Variants in CAST observed in about 807,000 individuals in gnomAD.
CAST encodes the protein MIR583 host.
In CAST, 76 loss-of-function variants were observed where a neutral mutation model predicts 119.6. The observed-to-expected ratio is 0.64, with a 90% CI of 0.53 to 0.77. CAST has a LOEUF of 0.77. Ranked by LOEUF, CAST falls within the 30% of genes least tolerant of loss-of-function variation. The pLI, the probability that CAST is intolerant of heterozygous loss-of-function variation, is 0.00. For missense variants in CAST, 953 were observed against 946.5 expected (o/e 1.01, Z -0.09); for synonymous variants, 319 against 331.6 (o/e 0.96, Z 0.41).
At chr5:96,047,699 T>A in the CAST span, among the ~76,000 whole-genome samples, 2 of 152,112 alleles carry the variant, frequency 1.3e-5, no homozygotes, top group African/African-American at 4.8e-5. Context: ...TGGGATATAT[T>A]GATGAGGGAA....
rs774182424 is a variant in CAST, at chr5:96,766,181, T to C, written c.2130+36T>C. Reference sequence around the variant, plus strand: ...GCAAATTGCTAGATCGGATTTATGCTACCAAGATCTTTAAATTCAAACCTC... The same window carrying C: ...GCAAATTGCTAGATCGGATTTATGCCACCAAGATCTTTAAATTCAAACCTC... On this transcript the variant is annotated intron_variant, in intron 27 of 31. Transcript: ENST00000675179. The C allele has an allele frequency of 7.0e-6, 8 of 1,147,588 alleles. No homozygotes were observed. The Admixed American group carries it at 7.2e-5, about 10-fold the overall frequency. The allele number at this position is 1,147,588 out of a possible 1,614,324, so 71.1% of individuals were successfully genotyped here.
At chr5:95,980,033 G>T in the CAST span, among the ~76,000 whole-genome samples, 2 of 152,036 alleles carry the variant, frequency 1.3e-5, no homozygotes, top group African/African-American at 4.8e-5. Flanking sequence ...CAGGAGAATC[G>T]CTTGAACCTG....
At chr5:96,515,296 C>CCAATACTGGGGAACAA in the CAST span, among the ~76,000 whole-genome samples, 1 of 143,004 alleles carries the variant, frequency 7.0e-6, no homozygotes, top group Non-Finnish European at 1.6e-5. Flanking sequence ...ATATTGTTCC[C>CCAATACTGGGGAACAA]ACAATGTTTG....
At chr5:96,283,124 C>T in the CAST span, among the ~76,000 whole-genome samples, 7 of 25,384 alleles carry the variant, frequency 2.8e-4, no homozygotes, top group Admixed American at 2.2e-3. Flanking sequence ...AGCGAGACTC[C>T]GTCTCAAAAA....
intron 2 of CAST, among the ~76,000 whole-genome samples, chr5:96,679,938 G>A (rs946474819): frequency 5.9e-5 from 9 of 151,852 alleles, no homozygotes; most frequent in East Asian, 5.8e-4. Context: ...TTAAATTAAC[G>A]CGATAATGTC....
At chr5:96,355,173 C>T in the CAST span, among the ~76,000 whole-genome samples, 2 of 151,850 alleles carry the variant, frequency 1.3e-5, no homozygotes, top group Non-Finnish European at 2.9e-5. Context: ...AATGCTATCC[C>T]TCCCCTAGCC....
At chr5:96,736,629 T>C (rs537400554) in intron 10 of CAST, among the ~76,000 whole-genome samples, 1 of 152,028 alleles carries the variant, frequency 6.6e-6, no homozygotes, top group African/African-American at 2.4e-5. Flanking sequence ...ATTTCACATA[T>C]CCATGATCAG....
chr5:96,135,490 G>A, the CAST span, among the ~76,000 whole-genome samples: 1 of 152,154 alleles, frequency 6.6e-6, no homozygotes, highest in East Asian at 1.9e-4. Flanking sequence ...TAAGGGGTAA[G>A]GGAGAAGTTA....
chr5:96,204,189 T>C, the CAST span, among the ~76,000 whole-genome samples: 3 of 152,026 alleles, frequency 2.0e-5, no homozygotes, highest in African/African-American at 7.2e-5. Context: ...AACCCCAGTC[T>C]CACAGACCAG....
the CAST span, among the ~76,000 whole-genome samples, chr5:96,107,807 C>A: frequency 6.6e-6 from 1 of 152,214 alleles, no homozygotes; most frequent in Non-Finnish European, 1.5e-5. Flanking sequence ...TGGATAATAT[C>A]CTGCAGAGTG....
the CAST span, among the ~76,000 whole-genome samples, chr5:96,221,642 A>G: frequency 6.6e-6 from 1 of 152,212 alleles, no homozygotes; most frequent in Non-Finnish European, 1.5e-5. Flanking sequence ...GTCCACACTC[A>G]TGGACTAGAA....
At chr5:96,256,904 G>T in the CAST span, among the ~76,000 whole-genome samples, 1 of 152,142 alleles carries the variant, frequency 6.6e-6, no homozygotes, top group South Asian at 2.1e-4. Flanking sequence ...GGACCTGTTG[G>T]TTATTTAATT....
rs778948116 is a variant in CAST at position 96,722,664 on chromosome 5, G to A, written c.236G>A (p.Ser79Asn). Residue 79 changes from serine (S) to asparagine (N), a missense_variant, in exon 4 of 32, where the codon AGC becomes AAC. Coordinates refer to ENST00000675179, the MANE Select transcript of CAST (RefSeq NM_001750.7). Reference protein sequence around the residue: ...TKVSASSGATSKSSSMNPTET... With the variant: ...TKVSASSGATNKSSSMNPTET... ...GTGTCAGCTTCCTCTGGTGCAACCA[G>A]CAAGTCTTCCAGTATGAATCCCACA... The A allele has an allele frequency of 6.2e-6, 10 of 1,613,434 alleles. No individual in the cohort carries two copies. Among genetic ancestry groups the A allele is most frequent in the South Asian group, 4.4e-5 (4 of 91,074 alleles).
the CAST span, among the ~76,000 whole-genome samples, chr5:96,365,155 G>A: frequency 1.4e-5 from 2 of 142,574 alleles, no homozygotes; most frequent in African/African-American, 5.2e-5. Flanking sequence ...TCTTAATCCT[G>A]AGTTCTAGTT....
the CAST span, among the ~76,000 whole-genome samples, chr5:96,231,229 G>T: frequency 6.6e-6 from 1 of 152,058 alleles, no homozygotes; most frequent in Non-Finnish European, 1.5e-5. Context: ...AGGAACAACC[G>T]CAATGTTCAT....
intron 1 of CAST, among the ~76,000 whole-genome samples, chr5:96,672,109 G>C (rs58031207): frequency 0.027 from 4,077 of 152,234 alleles, 185 homozygotes; most frequent in African/African-American, 0.093. Context: ...TTGGGAAAAT[G>C]TTCTCAAATT....
the CAST span, among the ~76,000 whole-genome samples, chr5:96,462,989 C>T: frequency 2.0e-5 from 3 of 152,080 alleles, no homozygotes; most frequent in African/African-American, 7.2e-5. Context: ...GTCAATTAAA[C>T]CTCTTTTGTT....
At chr5:96,397,303 C>T in the CAST span, 2 of 1,599,386 alleles carry the variant, frequency 1.3e-6, no homozygotes, top group African/African-American at 1.3e-5. Flanking sequence ...TAAAAGTAAG[C>T]TTGTGTTTTT....
intron 3 of CAST, among the ~76,000 whole-genome samples, chr5:96,710,291 C>G (rs1755840106): frequency 6.6e-6 from 1 of 152,126 alleles, no homozygotes; most frequent in South Asian, 2.1e-4. Flanking sequence ...AGGAATAGAG[C>G]ACTAATGTAC....
Sources: allele counts gnomAD v4.1 joint callset (sites outside exome capture counted in the v4.1 genomes callset), GRCh38; gene constraint gnomAD v4.1.1; transcripts MANE v1.5; gene names NCBI Gene and HGNC (gene_info 2026-07-23, HGNC 2026-07-21).